Variants in PDE4B observed in about 807,000 individuals in gnomAD.
PDE4B encodes the protein phosphodiesterase 4B, also known as 3',5'-cyclic-AMP phosphodiesterase 4B.
Under a neutral mutation model 82.2 loss-of-function variants are expected in PDE4B, and 20 were observed. The ratio of observed to expected loss-of-function variants is 0.24; its 90% CI spans 0.17 to 0.35. The LOEUF is 0.35. PDE4B is among the 10% of genes least tolerant of loss of function. The pLI, the probability that PDE4B is intolerant of heterozygous loss-of-function variation, is 1.00. For missense variants in PDE4B, 655 were observed against 907.2 expected, an observed-to-expected ratio of 0.72 and a Z score of 3.57; for synonymous variants, 320 against 318.9, an observed-to-expected ratio of 1.00 and a Z score of -0.04.
intron 3 of PDE4B, among the ~76,000 whole-genome samples, chr1:65,957,500 C>T (rs1298974359): frequency 1.3e-5 from 2 of 152,080 alleles, no homozygotes; most frequent in Admixed American, 1.3e-4. Flanking sequence ...TACTCTGTCA[C>T]TCTTCAGAAA....
chr1:65,795,194 A>G (rs1173849366), intron 1 of PDE4B, among the ~76,000 whole-genome samples: 1 of 152,232 alleles, frequency 6.6e-6, no homozygotes. Context: ...TTTGGTTTAC[A>G]AATGCAATAT....
chr1:65,979,450 T>G (rs1484998333), intron 3 of PDE4B, among the ~76,000 whole-genome samples: 2 of 152,204 alleles, frequency 1.3e-5, no homozygotes, highest in Admixed American at 6.5e-5. Flanking sequence ...TCTAGTGAAA[T>G]GTGTTCCCAC....
At chr1:65,882,940 A>C (rs1646725751) in intron 1 of PDE4B, among the ~76,000 whole-genome samples, 1 of 152,194 alleles carries the variant, frequency 6.6e-6, no homozygotes, top group Non-Finnish European at 1.5e-5. Context: ...AAGTGGAAGA[A>C]GCACTGAACT....
chr1:66,218,946 T>C (rs891959045), intron 3 of PDE4B, among the ~76,000 whole-genome samples: 5 of 152,192 alleles, frequency 3.3e-5, no homozygotes, highest in Non-Finnish European at 7.3e-5. Context: ...AAAAAAATCA[T>C]GTTCTCATCG....
chr1:66,357,435 G>A (rs1012680923), intron 9 of PDE4B, among the ~76,000 whole-genome samples: 1 of 152,008 alleles, frequency 6.6e-6, no homozygotes, highest in Non-Finnish European at 1.5e-5. Flanking sequence ...AATTTAAAAA[G>A]ATGCTAAATA....
At chr1:65,901,535 T>C (rs1043229730) in intron 1 of PDE4B, among the ~76,000 whole-genome samples, 126 of 152,206 alleles carry the variant, frequency 8.3e-4, no homozygotes, top group African/African-American at 2.6e-3. Context: ...CCCAGGGCTT[T>C]TTTTGATTGG....
chr1:66,270,548 T>A (rs540918758), intron 7 of PDE4B, among the ~76,000 whole-genome samples: 1 of 152,226 alleles, frequency 6.6e-6, no homozygotes, highest in Non-Finnish European at 1.5e-5. Context: ...AGGGTCTATA[T>A]GTGCATGGGT....
intron 1 of PDE4B, among the ~76,000 whole-genome samples, chr1:65,905,890 T>C (rs866538807): frequency 3.9e-5 from 6 of 152,144 alleles, no homozygotes; most frequent in Non-Finnish European, 8.8e-5. Flanking sequence ...GACAGGGGCA[T>C]TTTAAGGCCA....
intron 9 of PDE4B, among the ~76,000 whole-genome samples, chr1:66,356,935 T>C (rs908546282): frequency 6.6e-6 from 1 of 152,210 alleles, no homozygotes; most frequent in Admixed American, 6.5e-5. Context: ...AATCTAACTT[T>C]ACAGAAAGCA....
chr1:66,250,633 T>C (rs571544171), intron 4 of PDE4B, among the ~76,000 whole-genome samples: 1 of 152,352 alleles, frequency 6.6e-6, no homozygotes, highest in African/African-American at 2.4e-5. Context: ...TTCCTAGATG[T>C]GGCAATAGTT....
At chr1:66,210,527 C>T (rs981944585) in intron 3 of PDE4B, among the ~76,000 whole-genome samples, 2 of 129,234 alleles carry the variant, frequency 1.5e-5, no homozygotes, top group Admixed American at 9.5e-5. Flanking sequence ...ACCCGGGAAG[C>T]GTAGGTTGCA....
intron 3 of PDE4B, among the ~76,000 whole-genome samples, chr1:66,113,020 C>G (rs768734733): frequency 1.1e-4 from 17 of 152,182 alleles, no homozygotes; most frequent in Non-Finnish European, 2.5e-4. Context: ...TTCCTTTTCT[C>G]TCTTGGTGTA....
At chr1:65,970,139 C>G (rs888106243) in intron 3 of PDE4B, among the ~76,000 whole-genome samples, 2 of 151,660 alleles carry the variant, frequency 1.3e-5, no homozygotes, top group African/African-American at 4.8e-5. Flanking sequence ...ACTCATGTAG[C>G]AGGCATTCAA....
At chr1:66,069,378 C>T (rs1193273596) in intron 3 of PDE4B, among the ~76,000 whole-genome samples, 3 of 151,976 alleles carry the variant, frequency 2.0e-5, no homozygotes, top group Non-Finnish European at 2.9e-5. Context: ...AAATCCTAAC[C>T]AAACTTCAAA....
intron 1 of PDE4B, among the ~76,000 whole-genome samples, chr1:65,887,009 T>G (rs562616779): frequency 6.6e-6 from 1 of 152,290 alleles, no homozygotes; most frequent in African/African-American, 2.4e-5. Flanking sequence ...AGTTCACTTT[T>G]CTTCACATTC....
intron 3 of PDE4B, among the ~76,000 whole-genome samples, chr1:66,242,600 G>C (rs1486447458): frequency 6.6e-6 from 1 of 152,150 alleles, no homozygotes; most frequent in Admixed American, 6.5e-5. Context: ...GCAAGTAATT[G>C]GGGATCAGGA....
rs1652671301 is a variant in PDE4B, at chr1:66,014,635, C to T, written c.281+95800C>T. Among the ~76,000 whole-genome samples, 3 of 152,124 alleles carry T rather than the reference C, an allele frequency of 2.0e-5. No homozygotes were observed. The South Asian group carries it at 6.2e-4, about 31-fold the overall frequency. ...CTATAAACCTGGAGTTCCTCTCATA[C>T]TTTGGTCCAAACCATAATAGATTTA... On this transcript the variant is annotated intron_variant, in intron 3 of 16. Transcript: ENST00000341517.
intron 4 of PDE4B, among the ~76,000 whole-genome samples, chr1:66,251,291 G>A (rs1279145565): frequency 6.6e-6 from 1 of 152,128 alleles, no homozygotes; most frequent in African/African-American, 2.4e-5. Flanking sequence ...GAGGATATTA[G>A]GGCACAGAGA....
At chr1:65,895,511 C>T (rs182310069) in intron 1 of PDE4B, among the ~76,000 whole-genome samples, 180 of 145,552 alleles carry the variant, frequency 1.2e-3, no homozygotes, top group African/African-American at 4.3e-3. Context: ...GATCACGCCG[C>T]TGCACTCTAG....
Sources: gnomAD v4.1 joint callset for allele counts (sites outside exome capture counted in the v4.1 genomes callset) on GRCh38, gnomAD v4.1.1 for gene constraint, MANE v1.5 for transcripts, NCBI Gene and HGNC (gene_info 2026-07-23, HGNC 2026-07-21) for gene names.